MIA: variants seen among roughly 807,000 people sequenced by gnomAD.
MIA encodes the protein melanoma-derived growth regulatory protein.
In MIA, 18 loss-of-function variants were observed where a neutral mutation model predicts 18.5. That is an observed-to-expected ratio of 0.97 (90% confidence interval 0.67 to 1.44). The LOEUF is 1.44. Among genes scored for constraint, MIA ranks in the 40% most tolerant of loss-of-function variants. The pLI is 0.00. For missense variants in MIA, 158 were observed against 172.4 expected (o/e 0.92, Z 0.47); for synonymous variants, 55 against 64.9 (o/e 0.85, Z 0.74).
At chr19:40,775,725 C>T in intron 1 of MIA, 27 bp from the exon 2 acceptor site, 1 of 1,614,062 alleles carries the variant, frequency 6.2e-7, no homozygotes, top group Admixed American at 1.7e-5. Flanking sequence ...GTGGAGGGTG[C>T]TGCATTCCCT....
Position 40,775,802 on chromosome 19 carries a change from C to T in MIA, c.178C>T (p.Arg60Ter), listed in dbSNP as rs771506464. The T allele has an allele frequency of 4.3e-6, 7 of 1,614,054 alleles. No homozygotes were observed. The highest frequency in any genetic ancestry group is 4.5e-5 in the East Asian group (2 of 44,862). ...ALQDYMAPDC[R>*]FLTIHRGQVV... ...TCAGGACTACATGGCCCCCGACTGC[C>T]GATTCCTGACCATTCACCGGGGCCA... The change falls in exon 2 of 4, where the codon CGA becomes TGA. Residue 60 changes from arginine (R) to a stop codon, truncating the protein, a stop_gained. Transcript: ENST00000263369. LOFTEE classifies it high-confidence loss of function.
At position 40,775,595 on chromosome 19, in the gene MIA, C is replaced by T; in HGVS notation, c.53C>T (p.Ser18Phe). 6.2e-7 allele frequency: 1 copy of T among 1,614,188 alleles called. No homozygotes were observed. Among genetic ancestry groups the T allele is most frequent in the Non-Finnish European group, 8.5e-7 (1 of 1,180,034 alleles). The change falls in exon 1 of 4, where the codon TCC becomes TTC. Residue 18 changes from serine to phenylalanine, a missense_variant. By Grantham distance (155) the Ser-to-Phe change is radical. Coordinates refer to ENST00000263369, the MANE Select transcript of MIA (RefSeq NM_006533.4). Reference sequence around the variant, plus strand: ...GTCATCATCTTGCTGTCTGCCTTCTCCGGACCTGGTGTCAGGGGTGGTCCT... The same window carrying T: ...GTCATCATCTTGCTGTCTGCCTTCTTCGGACCTGGTGTCAGGGGTGGTCCT... ...LGVIILLSAF[S>F]GPGVRGGPMP...
upstream of MIA, chr19:40,775,244 G>T: frequency 2.9e-6 from 1 of 347,172 alleles, no homozygotes; most frequent in Non-Finnish European, 5.3e-6. Flanking sequence ...AGATGGAATT[G>T]AATATTTCAA....
intron 2 of MIA, 42 bp downstream of exon 2, chr19:40,775,927 G>C: frequency 6.2e-7 from 1 of 1,603,480 alleles, no homozygotes; most frequent in Non-Finnish European, 8.5e-7. Flanking sequence ...TACAGAGCTG[G>C]GGTAGACTCA....
At chr19:40,775,396 T>A, upstream of MIA, 3 of 1,253,978 alleles carry the variant, frequency 2.4e-6, no homozygotes, top group Non-Finnish European at 3.4e-6. Context: ...TCATAGCAAC[T>A]TCTAGGTGGT....
chr19:40,776,744 AAATAAT>A (rs548386580), intron 2 of MIA: 6 of 417,718 alleles, frequency 1.4e-5, no homozygotes, highest in Admixed American at 4.1e-5. Context: ...CCTGTTTCCA[AAATAAT>A]AATAATAATA....
upstream of MIA, chr19:40,775,510 C>G (rs377062706): frequency 6.2e-7 from 1 of 1,613,178 alleles, no homozygotes; most frequent in Admixed American, 1.7e-5. Flanking sequence ...GACCCCAGCA[C>G]CCCCTTGCTC....
rs1412645830 is a variant in MIA at position 40,775,785 on chromosome 19, A to G, written c.161A>G (p.Tyr54Cys). The G allele has an allele frequency of 1.2e-6, 2 of 1,614,016 alleles. No individual in the cohort carries two copies. Among genetic ancestry groups the G allele is most frequent in the South Asian group, 1.1e-5 (1 of 91,072 alleles). Residue 54 changes from tyrosine (Y) to cysteine (C), a missense_variant, in exon 2 of 4, where the codon TAC becomes TGC. Tyr to Cys is a radical substitution (Grantham distance 194). Coordinates refer to ENST00000263369, the MANE Select transcript of MIA (RefSeq NM_006533.4). ...PISMAVALQDYMAPDCRFLTI... is the reference protein window; with the variant it reads ...PISMAVALQDCMAPDCRFLTI... ...TCCATGGCTGTGGCCCTTCAGGACT[A>G]CATGGCCCCCGACTGCCGATTCCTG...
rs750259359 is a variant in MIA, at chr19:40,775,821, G to A, written c.197G>A (p.Arg66Gln). The stretch of plus-strand genomic sequence containing the variant: ...GACTGCCGATTCCTGACCATTCACC[G>A]GGGCCAAGTGGTGTATGTCTTCTCC... ...APDCRFLTIH[R>Q]GQVVYVFSKL... The change falls in exon 2 of 4, where the codon CGG (arginine) becomes CAG (glutamine). Residue 66 changes from arginine to glutamine, a missense_variant. Physicochemically the swap from Arg to Gln is conservative, Grantham distance 43 (BLOSUM62 1). Transcript: ENST00000263369. 11 of 1,613,900 alleles carry A rather than the reference G, an allele frequency of 6.8e-6. No homozygotes were observed. Among genetic ancestry groups the A allele is most frequent in the South Asian group, 1.1e-5 (1 of 91,078 alleles).
chr19:40,777,373 C>G (rs535992946), intron 3 of MIA, 24 bp from the exon 4 acceptor site: 1 of 1,613,674 alleles, frequency 6.2e-7, no homozygotes, highest in South Asian at 1.1e-5. Context: ...TTTCTTTCCA[C>G]TGTTTCCCCT....
intron 2 of MIA, among the ~76,000 whole-genome samples, chr19:40,776,317 C>A (rs751091631): frequency 1.3e-5 from 2 of 152,100 alleles, no homozygotes; most frequent in Non-Finnish European, 2.9e-5. Flanking sequence ...GAGCCACTGC[C>A]CCCCAGCCTA....
intron 3 of MIA, 92 bp from the exon 4 acceptor site, chr19:40,777,305 G>A: frequency 6.8e-7 from 1 of 1,467,666 alleles, no homozygotes; most frequent in Non-Finnish European, 9.5e-7. Flanking sequence ...CCAGACCTGG[G>A]CCCTGCAGCT....
chr19:40,776,937 C>T, intron 2 of MIA, 32 bp from the exon 3 acceptor site: 1 of 1,540,916 alleles, frequency 6.5e-7, no homozygotes, highest in East Asian at 2.3e-5. Context: ...TGCCATCTTC[C>T]CAGACCCTAG....
intron 2 of MIA, 79 bp downstream of exon 2, chr19:40,775,964 G>A (rs1466556546): frequency 2.4e-5 from 37 of 1,534,908 alleles, no homozygotes; most frequent in Non-Finnish European, 3.0e-5. Context: ...AAGATTTGAG[G>A]GGGGTGAACT....
At chr19:40,775,702 G>A in intron 1 of MIA, 33 bp downstream of exon 1, 3 of 1,614,102 alleles carry the variant, frequency 1.9e-6, no homozygotes, top group Non-Finnish European at 2.5e-6. Flanking sequence ...TGGGGGCTTG[G>A]GCGTTAGCCT....
chr19:40,777,428 C>T lies in MIA; in HGVS notation c.*8C>T. 6.2e-7 allele frequency: 1 copy of T among 1,613,222 alleles called. No homozygotes were observed. Among genetic ancestry groups the T allele is most frequent in the Non-Finnish European group, 8.5e-7 (1 of 1,179,474 alleles). On this transcript the variant is annotated 3_prime_UTR_variant, in exon 4 of 4. Coordinates refer to ENST00000263369, the MANE Select transcript of MIA (RefSeq NM_006533.4). ...GATTTCTACTGCCAGTGAGCTCAGCCTACCGCTGGCCCTGCCGTTTCCCCT... is the reference window on the plus strand; with the variant it reads ...GATTTCTACTGCCAGTGAGCTCAGCTTACCGCTGGCCCTGCCGTTTCCCCT...
chr19:40,777,320 C>T, intron 3 of MIA, 77 bp from the exon 4 acceptor site: 1 of 1,550,782 alleles, frequency 6.4e-7, no homozygotes, highest in Non-Finnish European at 8.9e-7. Context: ...GCAGCTGCAG[C>T]CTTTGCTAAA....
intron 2 of MIA, 66 bp downstream of exon 2, chr19:40,775,951 G>T: frequency 6.4e-7 from 1 of 1,570,812 alleles, no homozygotes; most frequent in South Asian, 1.1e-5. Context: ...TCCCCATGAA[G>T]GGAAGATTTG....
chr19:40,776,710 T>A (rs1423232619), intron 2 of MIA: 1 of 332,110 alleles, frequency 3.0e-6, no homozygotes, highest in African/African-American at 2.2e-5. Flanking sequence ...CTACTGCACC[T>A]CAACCTGGGC....
Sources: allele counts gnomAD v4.1 joint callset (sites outside exome capture counted in the v4.1 genomes callset), GRCh38; gene constraint gnomAD v4.1.1; transcripts MANE v1.5; gene names NCBI Gene and HGNC (gene_info 2026-07-23, HGNC 2026-07-21).